CACNA2D1: variants seen among roughly 807,000 people sequenced by gnomAD.
CACNA2D1 encodes calcium voltage-gated channel auxiliary subunit alpha2delta 1.
A neutral mutation model predicts 171.5 loss-of-function variants in CACNA2D1; 53 were observed. The observed-to-expected ratio is 0.31, with a 90% CI of 0.25 to 0.39. The LOEUF is 0.39. Among genes scored for constraint, CACNA2D1 ranks in the 10% least tolerant of loss-of-function variants. The pLI is 1.00. For missense variants in CACNA2D1, 903 were observed against 1,299.8 expected (o/e 0.69, Z 4.69); for synonymous variants, 442 against 443.1 (o/e 1.00, Z 0.03).
intron 3 of CACNA2D1, among the ~76,000 whole-genome samples, chr7:82,323,832 T>C (rs1044628998): frequency 2.6e-5 from 4 of 152,200 alleles, no homozygotes; most frequent in Admixed American, 1.3e-4. Context: ...TCCAAGAGAT[T>C]TCATTTAGAA....
At chr7:82,375,466 T>C (rs1362454421) in intron 1 of CACNA2D1, among the ~76,000 whole-genome samples, 1 of 152,116 alleles carries the variant, frequency 6.6e-6, no homozygotes, top group Non-Finnish European at 1.5e-5. Flanking sequence ...GGTGTAGAAA[T>C]GGGGAGTGTG....
intron 1 of CACNA2D1, among the ~76,000 whole-genome samples, chr7:82,365,248 C>T (rs1458173460): frequency 1.3e-5 from 2 of 152,202 alleles, no homozygotes; most frequent in South Asian, 2.1e-4. Flanking sequence ...TGGCCTTCCA[C>T]CAAAAACTGT....
At chr7:82,011,685 C>T (rs1233636593) in intron 15 of CACNA2D1, among the ~76,000 whole-genome samples, 6 of 152,112 alleles carry the variant, frequency 3.9e-5, no homozygotes, top group Admixed American at 3.9e-4. Context: ...AAGTTTTTGC[C>T]TATCTAATCG....
At chr7:82,146,914 G>A (rs1793191834) in intron 4 of CACNA2D1, among the ~76,000 whole-genome samples, 1 of 139,972 alleles carries the variant, frequency 7.1e-6, no homozygotes, top group Admixed American at 7.9e-5. Context: ...TGATCCCAGG[G>A]GCAGAGGTTG....
chr7:82,090,961 G>A (rs1294453514), intron 6 of CACNA2D1, among the ~76,000 whole-genome samples: 3 of 151,862 alleles, frequency 2.0e-5, no homozygotes, highest in African/African-American at 7.3e-5. Flanking sequence ...ACTACCTTAA[G>A]AAAAGAGCTG....
intron 3 of CACNA2D1, among the ~76,000 whole-genome samples, chr7:82,305,732 G>T (rs998761262): frequency 6.6e-6 from 1 of 152,118 alleles, no homozygotes; most frequent in East Asian, 1.9e-4. Flanking sequence ...AAATTTATAT[G>T]ATTTTCTCCT....
chr7:81,963,715 A>C (rs886240555), intron 34 of CACNA2D1, among the ~76,000 whole-genome samples: 4 of 152,006 alleles, frequency 2.6e-5, no homozygotes, highest in African/African-American at 9.7e-5. Context: ...GTAACTTCTT[A>C]CAGATCAATA....
intron 18 of CACNA2D1, among the ~76,000 whole-genome samples, chr7:82,003,990 C>T (rs1584368579): frequency 1.3e-5 from 2 of 152,238 alleles, no homozygotes; most frequent in South Asian, 2.1e-4. Context: ...GGTGATCTGC[C>T]CGCCTGGGCC....
At chr7:81,997,351 C>T (rs1370869610) in intron 18 of CACNA2D1, 101 bp from the exon 19 acceptor site, 8 of 730,988 alleles carry the variant, frequency 1.1e-5, no homozygotes, top group Admixed American at 1.8e-5. Context: ...CAAAAATTAC[C>T]TAGGATACAA....
At chr7:82,186,788 T>C (rs1585042326) in intron 3 of CACNA2D1, among the ~76,000 whole-genome samples, 2 of 152,174 alleles carry the variant, frequency 1.3e-5, no homozygotes, top group South Asian at 2.1e-4. Flanking sequence ...TATATGATAG[T>C]ATGATATGTC....
intron 6 of CACNA2D1, among the ~76,000 whole-genome samples, chr7:82,090,573 A>G (rs1811038825): frequency 6.6e-6 from 1 of 151,990 alleles, no homozygotes. Flanking sequence ...TTTATATTTA[A>G]GTACTATTTT....
intron 3 of CACNA2D1, among the ~76,000 whole-genome samples, chr7:82,209,185 T>C (rs1800312278): frequency 6.6e-6 from 1 of 152,128 alleles, no homozygotes; most frequent in Non-Finnish European, 1.5e-5. Context: ...CAACCAAATA[T>C]GTCTGGGGGA....
chr7:82,270,866 T>C (rs1808533477), intron 3 of CACNA2D1, among the ~76,000 whole-genome samples: 1 of 152,166 alleles, frequency 6.6e-6, no homozygotes, highest in Admixed American at 6.5e-5. Flanking sequence ...TTTGTCTAAC[T>C]ACTCTTATGT....
At chr7:82,046,326 G>C (rs1804552433) in intron 10 of CACNA2D1, among the ~76,000 whole-genome samples, 1 of 152,168 alleles carries the variant, frequency 6.6e-6, no homozygotes, top group South Asian at 2.1e-4. Context: ...CACAGTCAGA[G>C]ACATAAATAT....
At chr7:81,961,378 ATTCAAATAAAGATAACATTCAGTTC>A (rs1457606102) in intron 36 of CACNA2D1, among the ~76,000 whole-genome samples, 3 of 151,994 alleles carry the variant, frequency 2.0e-5, no homozygotes, top group Admixed American at 6.6e-5. Flanking sequence ...GTTCCTTCAA[ATTCAAATAAAGATAACATTCAGTTC>A]TTCAAGTCAG....
chr7:82,152,671 G>A (rs1351470168), intron 4 of CACNA2D1, among the ~76,000 whole-genome samples: 1 of 151,856 alleles, frequency 6.6e-6, no homozygotes, highest in Non-Finnish European at 1.5e-5. Context: ...CTAAACACTA[G>A]CTTTGAAATT....
intron 3 of CACNA2D1, among the ~76,000 whole-genome samples, chr7:82,192,509 TGA>T (rs1798431953): frequency 2.4e-5 from 3 of 126,714 alleles, no homozygotes; most frequent in African/African-American, 7.3e-5. Flanking sequence ...TGTGTGTGTG[TGA>T]ATATAGAGAC....
chr7:82,067,206 T>C (rs542176592), intron 7 of CACNA2D1, among the ~76,000 whole-genome samples: 1 of 152,260 alleles, frequency 6.6e-6, no homozygotes, highest in Non-Finnish European at 1.5e-5. Context: ...AATTGATACT[T>C]ACTTTAATTA....
At chr7:82,184,169 CTTTT>C (rs72155870) in intron 3 of CACNA2D1, among the ~76,000 whole-genome samples, 4 of 127,392 alleles carry the variant, frequency 3.1e-5, no homozygotes, top group African/African-American at 1.1e-4. Context: ...TCGGTTTCCT[CTTTT>C]TTTTTTTTTT....
Sources: gnomAD v4.1 joint callset for allele counts (sites outside exome capture counted in the v4.1 genomes callset) on GRCh38, gnomAD v4.1.1 for gene constraint, MANE v1.5 for transcripts, NCBI Gene and HGNC (gene_info 2026-07-23, HGNC 2026-07-21) for gene names.